Variants in DLGAP5 observed in about 807,000 individuals in gnomAD.
DLGAP5 encodes the protein DLG associated protein 5.
DLGAP5 carries 90 observed loss-of-function variants against 99.6 expected under a neutral mutation model. The ratio of observed to expected loss-of-function variants is 0.90; its 90% CI spans 0.76 to 1.08. The LOEUF is 1.08. Ranked by LOEUF, DLGAP5 falls within the 50% of genes least tolerant of loss-of-function variation. The pLI is 0.00. For missense variants in DLGAP5, 1,036 were observed against 983.5 expected, an observed-to-expected ratio of 1.05 and a Z score of -0.71; for synonymous variants, 311 against 321.3, an observed-to-expected ratio of 0.97 and a Z score of 0.34.
chr14:55,170,782 A>C lies in DLGAP5; in HGVS notation c.1307T>G (p.Ile436Ser). 1 of 1,613,068 alleles carries C rather than the reference A, an allele frequency of 6.2e-7. No individual in the cohort carries two copies. Among genetic ancestry groups the C allele is most frequent in the Non-Finnish European group, 8.5e-7 (1 of 1,179,226 alleles). ...PHHGVPYFRN[I>S]LQSETEKLTS... ...TAATTTCTCAGTTTCTGACTGGAGG[A>C]TATTTCTAAAATTATGACATACATT... The change falls in exon 11 of 19, where the codon ATC (isoleucine) becomes AGC (serine). Residue 436 changes from isoleucine (I) to serine (S), a missense_variant. By Grantham distance (142) the Ile-to-Ser change is moderately radical. Transcript: ENST00000247191.
intron 16 of DLGAP5, among the ~76,000 whole-genome samples, chr14:55,152,343 G>T (rs1015216620): frequency 6.6e-6 from 1 of 152,208 alleles, no homozygotes; most frequent in Admixed American, 6.5e-5. Flanking sequence ...TGTAAAAATA[G>T]GGGCCAAAGT....
At chr14:55,158,829 T>C in intron 13 of DLGAP5, 88 bp from the exon 14 acceptor site, 1 of 900,194 alleles carries the variant, frequency 1.1e-6, no homozygotes, top group Non-Finnish European at 1.7e-6. Flanking sequence ...ACTTAAAAAT[T>C]TAATTTTTAA....
At chr14:55,153,955 C>G (rs1882112248) in intron 15 of DLGAP5, among the ~76,000 whole-genome samples, 1 of 152,066 alleles carries the variant, frequency 6.6e-6, no homozygotes, top group East Asian at 1.9e-4. Flanking sequence ...ACTCGGGAGG[C>G]TGAGGCAGAA....
In DLGAP5 at chr14:55,169,553, T is replaced by C. The variant is rs765042674; in HGVS notation, c.1394A>G (p.Asp465Gly). ...LELDIPDDAK[D>G]LIRTAVGQTR... ...TTGACCAACTGCTGTGCGAATAAGA[T>C]CTTTAGCTGAAGGAAATAAGAGATT... is the stretch of plus-strand genomic sequence containing the variant. Residue 465 changes from aspartate to glycine, a missense_variant, in exon 12 of 19, where the codon GAT becomes GGT. Physicochemically the swap from Asp to Gly is moderately conservative, Grantham distance 94. Coordinates refer to ENST00000247191, the MANE Select transcript of DLGAP5 (RefSeq NM_014750.5). 2 of 1,582,194 alleles carry C rather than the reference T, an allele frequency of 1.3e-6. No homozygotes were observed. Among genetic ancestry groups the C allele is most frequent in the South Asian group, 1.2e-5 (1 of 85,056 alleles).
intron 15 of DLGAP5, among the ~76,000 whole-genome samples, chr14:55,153,858 C>T (rs755809009): frequency 8.9e-4 from 135 of 152,230 alleles, no homozygotes; most frequent in Non-Finnish European, 1.6e-3. Flanking sequence ...GAGATCAAGA[C>T]CATCCTGGCC....
chr14:55,188,809 G>C, intron 2 of DLGAP5, 133 bp downstream of exon 2: 1 of 405,884 alleles, frequency 2.5e-6, no homozygotes, highest in East Asian at 4.6e-5. Context: ...AAAGGAAAAA[G>C]ACCAAAAAGG....
At chr14:55,149,274 G>C (rs1881928011) in intron 18 of DLGAP5, among the ~76,000 whole-genome samples, 1 of 152,118 alleles carries the variant, frequency 6.6e-6, no homozygotes, top group Non-Finnish European at 1.5e-5. Context: ...CTGGGAACAG[G>C]GTTAAATCAG....
intron 10 of DLGAP5, among the ~76,000 whole-genome samples, chr14:55,174,991 T>C (rs1164447097): frequency 6.6e-6 from 1 of 152,114 alleles, no homozygotes; most frequent in Non-Finnish European, 1.5e-5. Flanking sequence ...GCCCAGCCTA[T>C]TGTCCATATT....
At position 55,152,557 on chromosome 14, in the gene DLGAP5, T is replaced by G. The variant is rs1213903864; in HGVS notation, c.2121+33A>C. 2.0e-6 allele frequency: 3 copies of G among 1,534,734 alleles called. No individual in the cohort carries two copies. The African/African-American group carries it at 4.1e-5, about 21-fold the overall frequency. On this transcript the variant is annotated intron_variant, in intron 16 of 18. Transcript: ENST00000247191. ...ATAATGATATAAACATATGACATACTGGGCTATCTAACCACACTGGAATTG... is the reference window on the plus strand; with the variant it reads ...ATAATGATATAAACATATGACATACGGGGCTATCTAACCACACTGGAATTG...
intron 13 of DLGAP5, among the ~76,000 whole-genome samples, chr14:55,161,878 A>T (rs1882453020): frequency 7.8e-6 from 1 of 128,394 alleles, no homozygotes; most frequent in Non-Finnish European, 1.8e-5. Flanking sequence ...CTGTCTCAAA[A>T]AAAAAAAAAA....
rs1046708727 is a variant in DLGAP5, at chr14:55,158,615, C to T, written c.1780G>A (p.Glu594Lys). 2.4e-5 allele frequency: 39 copies of T among 1,614,134 alleles called. No individual in the cohort carries two copies. Among genetic ancestry groups the T allele is most frequent in the Non-Finnish European group, 3.3e-5 (39 of 1,180,010 alleles). ...RERIRQEECAETAVSVIPKEV... is the reference protein window; with the variant it reads ...RERIRQEECAKTAVSVIPKEV... ...TTTGGTATCACAGAAACTGCTGTTT[C>T]AGCACATTCTTCCTGCCTAATTCTC... The change falls in exon 14 of 19, where the codon GAA becomes AAA. Residue 594 changes from glutamate to lysine, a missense_variant. Glu to Lys is a moderately conservative substitution (Grantham distance 56). Transcript: ENST00000247191.
intron 18 of DLGAP5, among the ~76,000 whole-genome samples, chr14:55,149,467 G>C (rs1881935362): frequency 6.6e-6 from 1 of 152,194 alleles, no homozygotes. Context: ...AATAATGAAA[G>C]ACAAGATATA....
Position 55,154,699 on chromosome 14 carries a change from T to G in DLGAP5, c.1981A>C (p.Thr661Pro). ...RNEMGIPQQT[T>P]SPENAGPQNT... ...TGAGGACCGGCATTTTCTGGTGATGTAGTTTGTTGTGGAATGCCCATCTCA... is the reference window on the plus strand; with the variant it reads ...TGAGGACCGGCATTTTCTGGTGATGGAGTTTGTTGTGGAATGCCCATCTCA... The change falls in exon 15 of 19, where the codon ACA (threonine) becomes CCA (proline). Residue 661 changes from threonine (T) to proline (P), a missense_variant. By Grantham distance (38) the Thr-to-Pro change is conservative. Coordinates refer to ENST00000247191, the MANE Select transcript of DLGAP5 (RefSeq NM_014750.5). The G allele has an allele frequency of 6.2e-7, 1 of 1,614,124 alleles. No homozygotes were observed. Among genetic ancestry groups the G allele is most frequent in the East Asian group, 2.2e-5 (1 of 44,862 alleles).
At chr14:55,178,907 C>T (rs991502469) in intron 7 of DLGAP5, among the ~76,000 whole-genome samples, 3 of 151,940 alleles carry the variant, frequency 2.0e-5, no homozygotes, top group Non-Finnish European at 4.4e-5. Flanking sequence ...ATCAGATGGG[C>T]GTGGTGGTGC....
chr14:55,149,845 T>C (rs1226704392), intron 18 of DLGAP5, among the ~76,000 whole-genome samples: 1 of 150,638 alleles, frequency 6.6e-6, no homozygotes, highest in Non-Finnish European at 1.5e-5. Context: ...AGGTCAGAAG[T>C]TCGAGACCAG....
intron 18 of DLGAP5, 197 bp from the exon 19 acceptor site, chr14:55,148,670 A>G (rs1881907103): frequency 1.9e-6 from 2 of 1,079,248 alleles, no homozygotes; most frequent in Admixed American, 2.1e-5. Context: ...CCCGAGCAAC[A>G]TAGCAAGATC....
intron 1 of DLGAP5, among the ~76,000 whole-genome samples, 185 bp from the exon 2 acceptor site, chr14:55,189,365 TG>T (rs1883535332): frequency 6.6e-6 from 1 of 151,898 alleles, no homozygotes; most frequent in Non-Finnish European, 1.5e-5. Flanking sequence ...GCTACCTATT[TG>T]GGGGTTTTAA....
At position 55,158,505 on chromosome 14, in the gene DLGAP5, A is replaced by C; in HGVS notation, c.1873+17T>G. On this transcript the variant is annotated intron_variant, in intron 14 of 18. Coordinates refer to ENST00000247191, the MANE Select transcript of DLGAP5 (RefSeq NM_014750.5). Reference sequence around the variant, plus strand: ...CTCAGGAAAAACAAAAAAAATAAAAAATCAAAAACAACTAACCTGAGAATA... The same window carrying C: ...CTCAGGAAAAACAAAAAAAATAAAACATCAAAAACAACTAACCTGAGAATA... The C allele has an allele frequency of 1.3e-6, 2 of 1,599,696 alleles. No homozygotes were observed. Among genetic ancestry groups the C allele is most frequent in the Non-Finnish European group, 1.7e-6 (2 of 1,173,648 alleles).
chr14:55,150,675 A>G, intron 18 of DLGAP5, 124 bp downstream of exon 18: 3 of 689,410 alleles, frequency 4.4e-6, no homozygotes. Context: ...TGAAAAATGA[A>G]GAGTGAGTAA....
Sources: allele counts gnomAD v4.1 joint callset (sites outside exome capture counted in the v4.1 genomes callset), GRCh38; gene constraint gnomAD v4.1.1; transcripts MANE v1.5; gene names NCBI Gene and HGNC (gene_info 2026-07-23, HGNC 2026-07-21).